Variants in ANKRD11 observed in about 807,000 individuals in gnomAD.
The protein encoded by ANKRD11 is ankyrin repeat domain 11.
In ANKRD11, 17 loss-of-function variants were observed where a neutral mutation model predicts 195.7. The ratio of observed to expected loss-of-function variants is 0.09; its 90% CI spans 0.06 to 0.13. The LOEUF (loss-of-function observed/expected upper bound fraction) is 0.13, where lower values mean the gene tolerates loss of function less well. ANKRD11 is among the 10% of genes least tolerant of loss of function. The pLI is 1.00. For missense variants in ANKRD11, 3,735 were observed against 3,566.1 expected (o/e 1.05, Z -1.21); for synonymous variants, 1,953 against 1,528.1 (o/e 1.28, Z -6.49).
chr16:89,380,354 C>G (rs1437764262), intron 2 of ANKRD11, among the ~76,000 whole-genome samples: 1 of 152,154 alleles, frequency 6.6e-6, no homozygotes, highest in Non-Finnish European at 1.5e-5. Context: ...TCAGGTGATC[C>G]ACCCACCTCG....
At chr16:89,408,410 G>A (rs2041993358) in intron 2 of ANKRD11, among the ~76,000 whole-genome samples, 1 of 152,262 alleles carries the variant, frequency 6.6e-6, no homozygotes, top group Non-Finnish European at 1.5e-5. Context: ...GGGCAGAGGA[G>A]GAAGAGGATG....
chr16:89,289,692 G>T (rs529694062), intron 6 of ANKRD11, among the ~76,000 whole-genome samples: 97 of 152,282 alleles, frequency 6.4e-4, no homozygotes, highest in African/African-American at 2.0e-3. Flanking sequence ...TCCCTCCAGG[G>T]GCCTGGAGTG....
At position 89,282,106 on chromosome 16, in the gene ANKRD11, C is replaced by T. The variant is rs1251036568; in HGVS notation, c.4436G>A (p.Arg1479Lys). ...ATGCCGCAGCAGCCCATCCGCATGC[C>T]TGTCCCGGTGCCTCTCCTTCTCGTC... ...WRDEKERHRDRHADGLLRHHR... is the reference protein window; with the variant it reads ...WRDEKERHRDKHADGLLRHHR... The change falls in exon 9 of 13, where the codon AGG (arginine) becomes AAG (lysine). Residue 1479 changes from arginine (R) to lysine (K), a missense_variant. Arg to Lys is a conservative substitution (Grantham distance 26). Transcript: ENST00000301030. 6.2e-7 allele frequency: 1 copy of T among 1,613,912 alleles called. No individual in the cohort carries two copies. Among genetic ancestry groups the T allele is most frequent in the African/African-American group, 1.3e-5 (1 of 74,914 alleles).
rs74590695 is a variant in ANKRD11, at chr16:89,428,465, G to C, written c.-144-10097C>G. Among the ~76,000 whole-genome samples, 928 of 152,212 alleles carry C rather than the reference G, an allele frequency of 6.1e-3. 56 individuals are homozygous for C. In the East Asian group the frequency reaches 0.12, roughly 19 times the overall value. Reference sequence around the variant, plus strand: ...GTTGTGAACCTGGGAGGCGGAGCTTGCAGTGAGCCGAGACTGCGCCCTACA... The same window carrying C: ...GTTGTGAACCTGGGAGGCGGAGCTTCCAGTGAGCCGAGACTGCGCCCTACA... On this transcript the variant is annotated intron_variant, in intron 1 of 12. Transcript: ENST00000301030.
intron 2 of ANKRD11, among the ~76,000 whole-genome samples, chr16:89,414,232 A>AT (rs1410211028): frequency 6.6e-6 from 1 of 152,240 alleles, no homozygotes; most frequent in Admixed American, 6.5e-5. Flanking sequence ...GCCTCTTTTC[A>AT]TATGAACAAC....
chr16:89,434,699 C>A (rs2043140882), intron 1 of ANKRD11, among the ~76,000 whole-genome samples: 1 of 152,218 alleles, frequency 6.6e-6, no homozygotes, highest in Non-Finnish European at 1.5e-5. Context: ...GAGACTCACA[C>A]AGCCACACCA....
intron 1 of ANKRD11, among the ~76,000 whole-genome samples, chr16:89,485,036 G>A (rs1017674791): frequency 1.5e-4 from 23 of 151,894 alleles, no homozygotes; most frequent in Middle Eastern, 3.4e-3. Flanking sequence ...GAGAGAAAGC[G>A]GGTGTGGGGA....
chr16:89,426,740 T>C (rs1053235965), intron 1 of ANKRD11, among the ~76,000 whole-genome samples: 1 of 152,240 alleles, frequency 6.6e-6, no homozygotes, highest in Non-Finnish European at 1.5e-5. Context: ...TGTGATCTAC[T>C]TGTCTTGAGC....
chr16:89,304,495 C>A lies in ANKRD11; in HGVS notation c.226+711G>T, dbSNP rs556960902. Among the ~76,000 whole-genome samples the A allele has an allele frequency of 5.3e-4, 80 of 151,788 alleles. 1 individual carries two copies. Among genetic ancestry groups the A allele is most frequent in the African/African-American group, 1.8e-3 (75 of 41,360 alleles). On this transcript the variant is annotated intron_variant, in intron 4 of 12. Transcript: ENST00000301030. ...ATGGGCACACATACACGGGCATAGACGGGCACGCATACACAGGCACACATA... is the reference window on the plus strand; with the variant it reads ...ATGGGCACACATACACGGGCATAGAAGGGCACGCATACACAGGCACACATA...
intron 2 of ANKRD11, among the ~76,000 whole-genome samples, chr16:89,333,888 G>A (rs758187212): frequency 4.6e-5 from 7 of 152,278 alleles, no homozygotes; most frequent in Non-Finnish European, 5.9e-5. Flanking sequence ...GTATGTGGGC[G>A]TGTGTTGTGA....
chr16:89,433,426 T>G (rs910193954), intron 1 of ANKRD11, among the ~76,000 whole-genome samples: 1 of 152,250 alleles, frequency 6.6e-6, no homozygotes, highest in Non-Finnish European at 1.5e-5. Context: ...GACTCCTTTT[T>G]CTTTGCACCT....
At chr16:89,459,683 G>T (rs562211521) in intron 1 of ANKRD11, among the ~76,000 whole-genome samples, 5 of 152,238 alleles carry the variant, frequency 3.3e-5, no homozygotes, top group African/African-American at 9.6e-5. Flanking sequence ...TAAAATTCAG[G>T]AACAGTGGCC....
At chr16:89,424,278 C>T (rs1480491073) in intron 1 of ANKRD11, among the ~76,000 whole-genome samples, 1 of 152,000 alleles carries the variant, frequency 6.6e-6, no homozygotes, top group Non-Finnish European at 1.5e-5. Flanking sequence ...CCCGTCTGTA[C>T]TAAAAATACA....
chr16:89,436,835 T>A (rs951143567), intron 1 of ANKRD11, among the ~76,000 whole-genome samples: 8 of 152,226 alleles, frequency 5.3e-5, no homozygotes, highest in African/African-American at 1.2e-4. Flanking sequence ...CCCCTGAAGG[T>A]TGGACAATGG....
At chr16:89,380,384 T>C (rs1040824168) in intron 2 of ANKRD11, among the ~76,000 whole-genome samples, 1 of 152,182 alleles carries the variant, frequency 6.6e-6, no homozygotes, top group Non-Finnish European at 1.5e-5. Flanking sequence ...AGTGCTGGGA[T>C]TACAGGTGTG....
rs202079355 is a variant in ANKRD11, at chr16:89,281,860, G to C, written c.4682C>G (p.Pro1561Arg). The change falls in exon 9 of 13, where the codon CCA becomes CGA. Residue 1561 changes from proline to arginine, a missense_variant. Transcript: ENST00000301030. This position sits in a 1 kb window ranked among gnomAD's most constrained non-coding sequence, Gnocchi z 5.5. ...CCTGGGCCTGGCGTCTTTCTTGCCT[G>C]GGTCTTTGGATGGCGCTACCTTATC... ...GNDKVAPSKD[P>R]GKKDARPREK... The C allele has an allele frequency of 1.2e-6, 2 of 1,613,976 alleles. No individual in the cohort carries two copies. The highest frequency in any genetic ancestry group is 1.7e-6 in the Non-Finnish European group (2 of 1,180,030).
At chr16:89,464,372 G>T (rs890499376) in intron 1 of ANKRD11, among the ~76,000 whole-genome samples, 29 of 151,620 alleles carry the variant, frequency 1.9e-4, no homozygotes, top group African/African-American at 7.0e-4. Context: ...ACTTTGGGAG[G>T]CCGAGGCAGG....
intron 2 of ANKRD11, among the ~76,000 whole-genome samples, chr16:89,403,335 T>C (rs1481934181): frequency 6.6e-6 from 1 of 152,122 alleles, no homozygotes; most frequent in East Asian, 1.9e-4. Context: ...CCCTCCTGAC[T>C]GGCCCCAGCA....
intron 2 of ANKRD11, among the ~76,000 whole-genome samples, chr16:89,371,841 G>A (rs1481340297): frequency 6.6e-6 from 1 of 152,098 alleles, no homozygotes; most frequent in Non-Finnish European, 1.5e-5. Flanking sequence ...TGAGCAAACC[G>A]AGCTCTTCCA....
Sources: gnomAD v4.1 joint callset for allele counts (sites outside exome capture counted in the v4.1 genomes callset) on GRCh38, gnomAD v4.1.1 for gene constraint, Gnocchi (gnomAD v3.1) non-coding constraint, MANE v1.5 for transcripts, NCBI Gene and HGNC (gene_info 2026-07-23, HGNC 2026-07-21) for gene names.